FAM240B: variants seen among roughly 807,000 people sequenced by gnomAD.
The protein encoded by FAM240B is family with sequence similarity 240 member B.
At chr9:38,695,509 A>G (rs1587587539) in intron 2 of FAM240B, among the ~76,000 whole-genome samples, 1 of 152,360 alleles carries the variant, frequency 6.6e-6, no homozygotes, top group Middle Eastern at 3.4e-3. Context: ...TGGGCGACAG[A>G]GCAAGACTCC....
chr9:38,710,856 TC>T (rs906813929), intron 1 of FAM240B, among the ~76,000 whole-genome samples: 3 of 152,166 alleles, frequency 2.0e-5, no homozygotes, highest in Admixed American at 1.3e-4. Flanking sequence ...CGTCTTCTTA[TC>T]CTCATTTTAC....
At chr9:38,699,897 T>C (rs1821106377) in intron 2 of FAM240B, among the ~76,000 whole-genome samples, 1 of 152,250 alleles carries the variant, frequency 6.6e-6, no homozygotes, top group South Asian at 2.1e-4. Context: ...TCTGTGCTTT[T>C]ACTTTAGTAT....
chr9:38,704,202 C>T (rs754008630), intron 1 of FAM240B, among the ~76,000 whole-genome samples, 200 bp from the exon 2 acceptor site: 1 of 151,542 alleles, frequency 6.6e-6, no homozygotes, highest in Non-Finnish European at 1.5e-5. Context: ...ATAGCTATGC[C>T]AGAAAACATC....
chr9:38,713,241 G>A (rs964628979), intron 1 of FAM240B, among the ~76,000 whole-genome samples: 2 of 152,134 alleles, frequency 1.3e-5, no homozygotes, highest in Non-Finnish European at 2.9e-5. Flanking sequence ...CACTTTGGGA[G>A]GCTAAGGCAG....
intron 2 of FAM240B, among the ~76,000 whole-genome samples, chr9:38,695,350 G>A (rs1422208855): frequency 6.6e-6 from 1 of 152,162 alleles, no homozygotes; most frequent in Non-Finnish European, 1.5e-5. Flanking sequence ...GCGACACCCC[G>A]TCTCTACTAA....
intron 1 of FAM240B, 38 bp downstream of exon 1, chr9:38,719,984 G>A (rs1013405502): frequency 6.6e-6 from 1 of 152,210 alleles, no homozygotes. Context: ...GTTGCAAGAT[G>A]TTCCCACACT....
At chr9:38,717,482 T>G (rs374102476) in intron 1 of FAM240B, among the ~76,000 whole-genome samples, 14 of 152,002 alleles carry the variant, frequency 9.2e-5, no homozygotes, top group African/African-American at 2.7e-4. Context: ...AAAAAGGTGT[T>G]TGTTTGTTTG....
intron 1 of FAM240B, among the ~76,000 whole-genome samples, chr9:38,718,795 A>G (rs556821456): frequency 7.2e-5 from 11 of 152,278 alleles, no homozygotes; most frequent in African/African-American, 2.2e-4. Flanking sequence ...TAGTTATTTT[A>G]AATGGTCAAT....
intron 1 of FAM240B, among the ~76,000 whole-genome samples, chr9:38,716,752 C>G (rs1200939051): frequency 6.6e-6 from 1 of 152,162 alleles, no homozygotes; most frequent in Non-Finnish European, 1.5e-5. Flanking sequence ...ATGAATGTTA[C>G]TTTTTTCCTG....
intron 2 of FAM240B, among the ~76,000 whole-genome samples, chr9:38,695,319 G>A (rs780877787): frequency 2.0e-5 from 3 of 152,210 alleles, no homozygotes; most frequent in Non-Finnish European, 2.9e-5. Flanking sequence ...TCAGGAGATC[G>A]AGACCATCCT....
intron 2 of FAM240B, among the ~76,000 whole-genome samples, chr9:38,701,309 A>G (rs973725690): frequency 6.6e-6 from 1 of 152,132 alleles, no homozygotes; most frequent in Non-Finnish European, 1.5e-5. Context: ...TTGTTAGGAC[A>G]ATGTTTCAAA....
intron 2 of FAM240B, among the ~76,000 whole-genome samples, chr9:38,698,384 T>A (rs1184392900): frequency 1.3e-5 from 2 of 152,152 alleles, no homozygotes; most frequent in Non-Finnish European, 2.9e-5. Flanking sequence ...ATACAAGAGG[T>A]TGGCAAAAAT....
At chr9:38,697,714 T>C (rs1012544588) in intron 2 of FAM240B, among the ~76,000 whole-genome samples, 1 of 152,248 alleles carries the variant, frequency 6.6e-6, no homozygotes, top group Non-Finnish European at 1.5e-5. Context: ...CAATGTATGC[T>C]CTTCAGATTA....
chr9:38,718,934 T>G (rs1194328140), intron 1 of FAM240B, among the ~76,000 whole-genome samples: 4 of 152,204 alleles, frequency 2.6e-5, no homozygotes, highest in Non-Finnish European at 5.9e-5. Flanking sequence ...TTCACTTTTT[T>G]GAATAGTTAT....
At chr9:38,710,709 A>C (rs1461536521) in intron 1 of FAM240B, among the ~76,000 whole-genome samples, 1 of 152,244 alleles carries the variant, frequency 6.6e-6, no homozygotes, top group Non-Finnish European at 1.5e-5. Flanking sequence ...AAAACTGCCC[A>C]CAGTATCTTT....
At position 38,712,052 on chromosome 9, in the gene FAM240B, G is replaced by A. The variant is rs374760987; in HGVS notation, c.-4+7970C>T. ...CTTCAAAGCCACCTCAGATTTTGCC[G>A]GCAGTATATTTGAGTCTTAGGAGGA... On this transcript the variant is annotated intron_variant, in intron 1 of 2. Transcript: ENST00000637493. Among the ~76,000 whole-genome samples the A allele has an allele frequency of 1.4e-4, 22 of 152,156 alleles. No individual in the cohort carries two copies. In the East Asian group the frequency reaches 2.9e-3, roughly 20 times the overall value.
chr9:38,713,834 T>C (rs1027413747), intron 1 of FAM240B, among the ~76,000 whole-genome samples: 1 of 152,240 alleles, frequency 6.6e-6, no homozygotes, highest in Non-Finnish European at 1.5e-5. Flanking sequence ...ATTCTTTGAA[T>C]TATTTTTTCT....
At chr9:38,705,390 C>A (rs62540089) in intron 1 of FAM240B, 7,895 of 152,406 alleles carry the variant, frequency 0.052, 311 homozygotes, top group Non-Finnish European at 0.086. Flanking sequence ...GAGATCAAGA[C>A]CATCCTGCCT....
intron 2 of FAM240B, among the ~76,000 whole-genome samples, chr9:38,701,924 A>ATTTT (rs397727569): frequency 3.3e-5 from 5 of 152,016 alleles, no homozygotes; most frequent in African/African-American, 1.2e-4. Flanking sequence ...ACACACACAC[A>ATTTT]ATCTGTCATC....
Sources: allele counts gnomAD v4.1 joint callset (sites outside exome capture counted in the v4.1 genomes callset), GRCh38; gene constraint gnomAD v4.1.1; transcripts MANE v1.5; gene names NCBI Gene and HGNC (gene_info 2026-07-23, HGNC 2026-07-21).